The following NALCN variants were observed in gnomAD, a reference collection of about 807,000 sequenced individuals.
NALCN encodes the protein sodium leak channel, non-selective, also known as sodium leak channel NALCN.
In NALCN, 111 loss-of-function variants were observed where a neutral mutation model predicts 225.3. That is an observed-to-expected ratio of 0.49 (90% CI 0.42 to 0.58). The LOEUF (loss-of-function observed/expected upper bound fraction) is 0.58, where lower values mean the gene tolerates loss of function less well. Among genes scored for constraint, NALCN ranks in the 20% least tolerant of loss-of-function variants. The probability of loss-of-function intolerance (pLI) is 0.00; values close to 1 mark genes in which losing one functional copy is unlikely to be tolerated. For synonymous variants in NALCN, 764 were observed against 769.0 expected (o/e 0.99, Z 0.11); for missense variants, 1,378 against 2,202.4 (o/e 0.63, Z 7.49).
chr13:101,168,884 A>G (rs915803067), intron 15 of NALCN, among the ~76,000 whole-genome samples: 1 of 151,722 alleles, frequency 6.6e-6, no homozygotes, highest in African/African-American at 2.4e-5. Context: ...TTTTTTTCCC[A>G]CCTAAAAAAG....
At chr13:101,250,999 A>C (rs941068739) in intron 11 of NALCN, among the ~76,000 whole-genome samples, 3 of 152,092 alleles carry the variant, frequency 2.0e-5, no homozygotes, top group African/African-American at 7.2e-5. Flanking sequence ...CCTGAACAAA[A>C]AAAAGTAGTA....
chr13:101,171,305 A>C (rs2038703748), intron 15 of NALCN, among the ~76,000 whole-genome samples: 1 of 148,812 alleles, frequency 6.7e-6, no homozygotes, highest in South Asian at 2.1e-4. Flanking sequence ...CTTTATATTT[A>C]ATATATACAT....
At chr13:101,156,239 C>G (rs2037896804) in intron 15 of NALCN, among the ~76,000 whole-genome samples, 1 of 152,006 alleles carries the variant, frequency 6.6e-6, no homozygotes. Context: ...TCTGGCACCA[C>G]AAAATGTCCT....
Position 101,117,641 on chromosome 13 carries a change from CT to C in NALCN, c.2193-6416del, listed in dbSNP as rs1240945988. Among the ~76,000 whole-genome samples the C allele has an allele frequency of 2.0e-5, 3 of 152,322 alleles. No homozygotes were observed. The East Asian group carries it at 5.8e-4, about 29-fold the overall frequency. ...GTATGTAGACTTTTCAGACTGACTT[CT>C]TTTACTCAGTAACAGGCATTTATGT... On this transcript the variant is annotated intron_variant, in intron 18 of 43. Transcript: ENST00000251127.
intron 13 of NALCN, among the ~76,000 whole-genome samples, chr13:101,200,256 C>A (rs528399128): frequency 1.3e-5 from 2 of 152,238 alleles, no homozygotes; most frequent in Non-Finnish European, 2.9e-5. Flanking sequence ...AAGAAAATGG[C>A]AAATCTATTC....
intron 10 of NALCN, among the ~76,000 whole-genome samples, chr13:101,272,249 G>T (rs1434395989): frequency 6.6e-6 from 1 of 151,934 alleles, no homozygotes; most frequent in African/African-American, 2.4e-5. Flanking sequence ...GTGTGTATGT[G>T]TGTGTACACA....
At chr13:101,097,352 A>G (rs1177841841) in intron 27 of NALCN, among the ~76,000 whole-genome samples, 1 of 152,172 alleles carries the variant, frequency 6.6e-6, no homozygotes, top group African/African-American at 2.4e-5. Context: ...CATTGCGATT[A>G]TCTTTCCATA....
At chr13:101,309,711 T>C (rs936181395) in intron 7 of NALCN, among the ~76,000 whole-genome samples, 1 of 152,248 alleles carries the variant, frequency 6.6e-6, no homozygotes, top group African/African-American at 2.4e-5. Context: ...GTTGACTTTG[T>C]ATTCTTGACA....
intron 28 of NALCN, 34 bp downstream of exon 28, chr13:101,095,540 C>A (rs769691143): frequency 2.0e-6 from 3 of 1,529,136 alleles, no homozygotes; most frequent in Non-Finnish European, 2.7e-6. Context: ...ACAAACACAC[C>A]ATTCTTCAGA....
intron 13 of NALCN, among the ~76,000 whole-genome samples, chr13:101,198,275 C>G (rs998475366): frequency 1.3e-5 from 2 of 152,056 alleles, no homozygotes; most frequent in African/African-American, 2.4e-5. Flanking sequence ...GGCAACAAAA[C>G]CCAAAATTGA....
At chr13:101,407,806 A>C (rs1358170351) in intron 1 of NALCN, among the ~76,000 whole-genome samples, 2 of 152,122 alleles carry the variant, frequency 1.3e-5, no homozygotes, top group African/African-American at 4.8e-5. Context: ...ACATTTCACA[A>C]ACACGAACTT....
Position 101,054,067 on chromosome 13 carries a change from C to T in NALCN, c.*1228G>A, listed in dbSNP as rs1034238935. On this transcript the variant is annotated 3_prime_UTR_variant, in exon 44 of 44. Coordinates refer to ENST00000251127, the MANE Select transcript of NALCN (RefSeq NM_052867.4). ...ATCCCTCTGTTAAAAAACATCTGAACAGCAAATGTCCAATCTGTAATAAAA... is the reference window on the plus strand; with the variant it reads ...ATCCCTCTGTTAAAAAACATCTGAATAGCAAATGTCCAATCTGTAATAAAA... 3 of 152,204 alleles carry T rather than the reference C, an allele frequency of 2.0e-5. No homozygotes were observed. The highest frequency in any genetic ancestry group is 4.4e-5 in the Non-Finnish European group (3 of 68,028). The allele number at this position is 152,204 out of a possible 1,614,324, so 9.4% of individuals were successfully genotyped here. A position where few individuals can be genotyped will look rare whatever the true frequency, so the allele number is the denominator to read the frequency against.
At chr13:101,211,546 T>C (rs1351851782) in intron 13 of NALCN, among the ~76,000 whole-genome samples, 2 of 151,278 alleles carry the variant, frequency 1.3e-5, no homozygotes, top group East Asian at 3.9e-4. Flanking sequence ...CAAAAATAAA[T>C]TCCAACAGGA....
At chr13:101,137,714 AC>A (rs1333120463) in intron 17 of NALCN, among the ~76,000 whole-genome samples, 1 of 152,220 alleles carries the variant, frequency 6.6e-6, no homozygotes, top group African/African-American at 2.4e-5. Context: ...CTAGACTGTT[AC>A]ATCTGAAGGT....
At chr13:101,186,905 A>AC (rs2039472614) in intron 14 of NALCN, among the ~76,000 whole-genome samples, 1 of 152,244 alleles carries the variant, frequency 6.6e-6, no homozygotes, top group Non-Finnish European at 1.5e-5. Flanking sequence ...TATTTGTATT[A>AC]CCTCAGGTGG....
intron 12 of NALCN, among the ~76,000 whole-genome samples, chr13:101,236,181 A>G (rs1331716704): frequency 4.5e-4 from 68 of 152,226 alleles, no homozygotes. Context: ...ATCACTGGCC[A>G]TCAGAGAAAC....
At chr13:101,129,075 A>G (rs1490680803) in intron 17 of NALCN, among the ~76,000 whole-genome samples, 1 of 152,054 alleles carries the variant, frequency 6.6e-6, no homozygotes, top group Non-Finnish European at 1.5e-5. Context: ...ACGGGTCTTG[A>G]TGTTCATTTC....
chr13:101,360,352 C>T (rs116573471), intron 6 of NALCN, among the ~76,000 whole-genome samples: 3,222 of 151,930 alleles, frequency 0.021, 126 homozygotes, highest in African/African-American at 0.074. Flanking sequence ...TGTGCCTCAG[C>T]CTCCCAAGTA....
At chr13:101,177,028 C>T (rs755390991) in intron 14 of NALCN, among the ~76,000 whole-genome samples, 2 of 152,166 alleles carry the variant, frequency 1.3e-5, no homozygotes, top group Non-Finnish European at 2.9e-5. Context: ...TCTCCTAGAT[C>T]ACCTGCTCTG....
Sources: allele counts gnomAD v4.1 joint callset (sites outside exome capture counted in the v4.1 genomes callset), GRCh38; gene constraint gnomAD v4.1.1; transcripts MANE v1.5; gene names NCBI Gene and HGNC (gene_info 2026-07-23, HGNC 2026-07-21).